SLMAP: variants seen among roughly 807,000 people sequenced by gnomAD.
SLMAP encodes the protein sarcolemma associated protein.
A neutral mutation model predicts 128.8 loss-of-function variants in SLMAP; 44 were observed. The ratio of observed to expected loss-of-function variants is 0.34; its 90% CI spans 0.27 to 0.44. The LOEUF is 0.44. Among genes scored for constraint, SLMAP ranks in the 20% least tolerant of loss-of-function variants. SLMAP has a pLI of 1.00. For synonymous variants in SLMAP, 327 were observed against 348.8 expected (o/e 0.94, Z 0.70); for missense variants, 787 against 985.3 (o/e 0.80, Z 2.69).
intron 2 of SLMAP, among the ~76,000 whole-genome samples, chr3:57,779,793 A>G (rs1239514053): frequency 6.6e-6 from 1 of 152,058 alleles, no homozygotes; most frequent in African/African-American, 2.4e-5. Flanking sequence ...AACTTCCTAA[A>G]GTTATACCAC....
intron 5 of SLMAP, among the ~76,000 whole-genome samples, chr3:57,848,038 C>T (rs1267660572): frequency 6.6e-6 from 1 of 152,170 alleles, no homozygotes; most frequent in African/African-American, 2.4e-5. Flanking sequence ...TCTGCTGTCT[C>T]GTCAGCATAT....
At chr3:57,776,493 C>A (rs531757483) in intron 2 of SLMAP, among the ~76,000 whole-genome samples, 1 of 146,206 alleles carries the variant, frequency 6.8e-6, no homozygotes, top group South Asian at 2.2e-4. Context: ...CACAATTCTC[C>A]CTGATTTGTC....
rs547810291 is a variant in SLMAP, at chr3:57,842,862, C to T, written c.419+1491C>T. 1.9e-4 allele frequency among the ~76,000 whole-genome samples: 29 copies of T among 152,308 alleles called. 1 individual carries two copies. The highest frequency in any genetic ancestry group is 6.5e-4 in the African/African-American group (27 of 41,578). ...ATTTTGAACAAGCAATTCTCCAGAG[C>T]TGGAGGAAGATCAGAATGGCCTTTA... On this transcript the variant is annotated intron_variant, in intron 4 of 24. Transcript: ENST00000671191.
chr3:57,815,679 C>A (rs2091764878), intron 2 of SLMAP, among the ~76,000 whole-genome samples: 1 of 151,896 alleles, frequency 6.6e-6, no homozygotes, highest in Non-Finnish European at 1.5e-5. Flanking sequence ...ACCATCTTGC[C>A]CAGGCTGGTC....
At chr3:57,873,455 G>A (rs1342094102) in intron 14 of SLMAP, among the ~76,000 whole-genome samples, 1 of 151,906 alleles carries the variant, frequency 6.6e-6, no homozygotes, top group African/African-American at 2.4e-5. Flanking sequence ...GTGAGCCGAG[G>A]TTGTGCCACT....
chr3:57,861,893 C>G, intron 9 of SLMAP, 56 bp from the exon 10 acceptor site: 3 of 1,461,724 alleles, frequency 2.1e-6, no homozygotes, highest in Non-Finnish European at 2.8e-6. Context: ...AGAAGGAATT[C>G]TAAATAACAA....
In SLMAP at chr3:57,927,318, T is replaced by C. The variant is rs772292064; in HGVS notation, c.*29T>C. 2 of 1,607,326 alleles carry C rather than the reference T, an allele frequency of 1.2e-6. No individual in the cohort carries two copies. Among genetic ancestry groups the C allele is most frequent in the South Asian group, 1.1e-5 (1 of 90,026 alleles). ...CAGAAACCCTGGCCCTGGATGCCCA[T>C]GTTGGCTGCCCTGGTTGCAGTAACA... On this transcript the variant is annotated 3_prime_UTR_variant, in exon 25 of 25. Transcript: ENST00000671191.
chr3:57,836,320 T>A (rs1408348175), intron 3 of SLMAP, among the ~76,000 whole-genome samples: 3 of 152,124 alleles, frequency 2.0e-5, no homozygotes, highest in African/African-American at 7.2e-5. Context: ...CATTTATGTA[T>A]TTATATAAAC....
At chr3:57,868,984 T>G (rs1172740133) in intron 13 of SLMAP, among the ~76,000 whole-genome samples, 1 of 139,122 alleles carries the variant, frequency 7.2e-6, no homozygotes, top group Non-Finnish European at 1.5e-5. Flanking sequence ...ATATAATATA[T>G]ATTATATATG....
intron 2 of SLMAP, among the ~76,000 whole-genome samples, chr3:57,760,712 C>G (rs571866682): frequency 6.6e-6 from 1 of 151,742 alleles, no homozygotes; most frequent in African/African-American, 2.4e-5. Context: ...AAGCAAGACC[C>G]TGTCTCTTAA....
chr3:57,837,888 C>T lies in SLMAP; in HGVS notation c.347-3411C>T, dbSNP rs80195554. Among the ~76,000 whole-genome samples, 800 of 152,318 alleles carry T rather than the reference C, an allele frequency of 5.3e-3. 9 individuals are homozygous for T. The highest frequency in any genetic ancestry group is 0.018 in the African/African-American group (755 of 41,570). On this transcript the variant is annotated intron_variant, in intron 3 of 24. Transcript: ENST00000671191. ...GTGTATCTGGTTGTCATGAGAATCA[C>T]ATTAAAGGCATCGTTGACTGGACTA... is the stretch of plus-strand genomic sequence containing the variant.
chr3:57,869,635 T>TATATATATA (rs1333682964), intron 13 of SLMAP, among the ~76,000 whole-genome samples: 3 of 122,774 alleles, frequency 2.4e-5, no homozygotes, highest in African/African-American at 1.0e-4. Context: ...CTCTATTATA[T>TATATATATA]ATATATATAT....
At chr3:57,904,291 G>A (rs542212642) in intron 17 of SLMAP, among the ~76,000 whole-genome samples, 3 of 152,122 alleles carry the variant, frequency 2.0e-5, no homozygotes, top group African/African-American at 4.8e-5. Context: ...AGGCACAGAG[G>A]TACATGCCTG....
At position 57,929,519 on chromosome 3, in the gene SLMAP, A is replaced by C. The variant is rs2097049751; in HGVS notation, c.*2230A>C. Reference sequence around the variant, plus strand: ...CAAGAATAGAAATAAGTCTGTTCATAAGCAATACCTTCAGTTTTGTTCAGT... The same window carrying C: ...CAAGAATAGAAATAAGTCTGTTCATCAGCAATACCTTCAGTTTTGTTCAGT... On this transcript the variant is annotated 3_prime_UTR_variant, in exon 25 of 25. Coordinates refer to ENST00000671191, the MANE Select transcript of SLMAP (RefSeq NM_001377540.1). Among the ~76,000 whole-genome samples, 1 of 152,218 alleles carries C rather than the reference A, an allele frequency of 6.6e-6. No homozygotes were observed. The highest frequency in any genetic ancestry group is 1.5e-5 in the Non-Finnish European group (1 of 68,026).
chr3:57,805,057 G>C (rs995201054), intron 2 of SLMAP, among the ~76,000 whole-genome samples: 2 of 152,066 alleles, frequency 1.3e-5, no homozygotes, highest in Non-Finnish European at 2.9e-5. Context: ...AGTCATTATG[G>C]TTTCTCTTTG....
intron 2 of SLMAP, among the ~76,000 whole-genome samples, chr3:57,783,875 G>C (rs1559971796): frequency 6.6e-6 from 1 of 152,148 alleles, no homozygotes; most frequent in Non-Finnish European, 1.5e-5. Context: ...TTGATGCCTA[G>C]GGCTGCCCCT....
At chr3:57,886,330 C>G (rs971173926) in intron 14 of SLMAP, among the ~76,000 whole-genome samples, 1 of 151,802 alleles carries the variant, frequency 6.6e-6, no homozygotes, top group Non-Finnish European at 1.5e-5. Flanking sequence ...AACTCCTGAC[C>G]TCAGGTTATC....
At chr3:57,917,136 C>G in intron 22 of SLMAP, 59 bp downstream of exon 22, 1 of 1,608,050 alleles carries the variant, frequency 6.2e-7, no homozygotes, top group South Asian at 1.1e-5. Flanking sequence ...AAAAGCAAAT[C>G]GGATATCCAT....
At chr3:57,768,295 G>A (rs1031400397) in intron 2 of SLMAP, among the ~76,000 whole-genome samples, 2 of 152,078 alleles carry the variant, frequency 1.3e-5, no homozygotes, top group Admixed American at 6.6e-5. Context: ...AATATTTTCA[G>A]GCTTACAGTT....
Sources: allele counts gnomAD v4.1 joint callset (sites outside exome capture counted in the v4.1 genomes callset), GRCh38; gene constraint gnomAD v4.1.1; transcripts MANE v1.5; gene names NCBI Gene and HGNC (gene_info 2026-07-23, HGNC 2026-07-21).